Variants in PRKN observed in about 807,000 individuals in gnomAD.
PRKN encodes the protein E3 ubiquitin-protein ligase parkin.
A neutral mutation model predicts 59.5 loss-of-function variants in PRKN; 56 were observed. The ratio of observed to expected loss-of-function variants is 0.94; its 90% confidence interval spans 0.76 to 1.18. The LOEUF (loss-of-function observed/expected upper bound fraction) is 1.18. Ranked by LOEUF, PRKN falls within the 50% of genes most tolerant of loss-of-function variation. The pLI is 0.00. For missense variants in PRKN, 657 were observed against 596.4 expected, an observed-to-expected ratio of 1.10 and a Z score of -1.06; for synonymous variants, 250 against 222.1, an observed-to-expected ratio of 1.13 and a Z score of -1.12.
intron 1 of PRKN, among the ~76,000 whole-genome samples, chr6:162,559,406 C>A (rs1462943946): frequency 1.3e-5 from 2 of 152,074 alleles, no homozygotes; most frequent in Non-Finnish European, 2.9e-5. Context: ...CCTTCCCCAG[C>A]CCCTAACATC....
At chr6:161,513,531 T>TTC (rs1364897156) in intron 9 of PRKN, among the ~76,000 whole-genome samples, 8 of 151,466 alleles carry the variant, frequency 5.3e-5, no homozygotes, top group African/African-American at 1.9e-4. Flanking sequence ...GCACATTTTT[T>TTC]TTTTTTTTTG....
intron 2 of PRKN, among the ~76,000 whole-genome samples, chr6:162,338,337 C>T (rs1783946238): frequency 6.6e-6 from 1 of 152,114 alleles, no homozygotes; most frequent in African/African-American, 2.4e-5. Flanking sequence ...GTACTGCTGC[C>T]ATCTCGGCTC....
At chr6:161,580,017 A>G (rs1397094215) in intron 7 of PRKN, among the ~76,000 whole-genome samples, 1 of 152,198 alleles carries the variant, frequency 6.6e-6, no homozygotes. Context: ...CTGCTTTTAT[A>G]TATTTAGAGT....
rs2128141495 is a variant in PRKN at position 161,593,942 on chromosome 6, G to C, written c.872-24526C>G. 6.6e-6 allele frequency among the ~76,000 whole-genome samples: 1 copy of C among 151,652 alleles called. No individual in the cohort carries two copies. Among genetic ancestry groups the C allele is most frequent in the African/African-American group, 2.4e-5 (1 of 41,336 alleles). On this transcript the variant is annotated intron_variant, in intron 7 of 11. Transcript: ENST00000366898. This position sits in a 1 kb window ranked among gnomAD's most constrained non-coding sequence, Gnocchi z 4.8. ...TGAGGTGGGCAGATCACGAGGTCAG[G>C]AGTTTGAGACCAGCCTGGCCAACAT...
chr6:162,012,666 ATC>A (rs1782779063), intron 5 of PRKN, among the ~76,000 whole-genome samples: 1 of 152,144 alleles, frequency 6.6e-6, no homozygotes, highest in Non-Finnish European at 1.5e-5. Flanking sequence ...AACCAATTAT[ATC>A]TGTAACACCC....
At chr6:161,670,526 A>C (rs1784869610) in intron 7 of PRKN, among the ~76,000 whole-genome samples, 1 of 152,040 alleles carries the variant, frequency 6.6e-6, no homozygotes, top group Admixed American at 6.6e-5. Context: ...TATAAAATAC[A>C]CCAGTCAAGC....
chr6:162,362,339 A>G (rs889789409), intron 2 of PRKN, among the ~76,000 whole-genome samples: 10 of 152,188 alleles, frequency 6.6e-5, no homozygotes, highest in African/African-American at 2.4e-4. Flanking sequence ...GAATTTAGCT[A>G]TTTGGAACAT....
Position 161,414,323 on chromosome 6 carries a change from C to T in PRKN, c.1084-27446G>A, listed in dbSNP as rs752010169. On this transcript the variant is annotated intron_variant, in intron 9 of 11. Coordinates refer to ENST00000366898, the MANE Select transcript of PRKN (RefSeq NM_004562.3). The surrounding 1 kb of genome is among the most constrained non-coding windows in gnomAD (Gnocchi z 5.3). ...AGGCAGCGGCCAGTCTCTGTGTTCT[C>T]GGGCGCTCTGTGTCAGGTCCTGGTA... 4.6e-5 allele frequency among the ~76,000 whole-genome samples: 7 copies of T among 152,276 alleles called. No individual in the cohort carries two copies. Among genetic ancestry groups the T allele is most frequent in the South Asian group, 4.1e-4 (2 of 4,824 alleles).
At chr6:161,705,069 G>C (rs998591739) in intron 7 of PRKN, among the ~76,000 whole-genome samples, 1 of 152,198 alleles carries the variant, frequency 6.6e-6, no homozygotes, top group Non-Finnish European at 1.5e-5. Flanking sequence ...TGATGACTAT[G>C]AGCTTTGGAG....
chr6:162,009,521 A>AT (rs1373409311), intron 5 of PRKN, among the ~76,000 whole-genome samples: 2 of 151,886 alleles, frequency 1.3e-5, no homozygotes, highest in Non-Finnish European at 2.9e-5. Context: ...AAAAGATGTC[A>AT]TTTTTCCACA....
chr6:161,802,992 C>T (rs1791153598), intron 6 of PRKN, among the ~76,000 whole-genome samples: 1 of 152,106 alleles, frequency 6.6e-6, no homozygotes, highest in Non-Finnish European at 1.5e-5. Flanking sequence ...TCTGATCTCC[C>T]CTTTTATACC....
At chr6:161,880,719 G>A (rs943960973) in intron 6 of PRKN, among the ~76,000 whole-genome samples, 3 of 152,086 alleles carry the variant, frequency 2.0e-5, no homozygotes, top group East Asian at 1.9e-4. Flanking sequence ...TGAGAAGAAC[G>A]CACTTCCTGG....
Position 161,552,393 on chromosome 6 carries a change from CACCTATGACTGTGAATGATCTCA to C in PRKN, c.934-3413_934-3391del, listed in dbSNP as rs1350922316. On this transcript the variant is annotated intron_variant, in intron 8 of 11. Coordinates refer to ENST00000366898, the MANE Select transcript of PRKN (RefSeq NM_004562.3). The surrounding 1 kb of genome is among the most constrained non-coding windows in gnomAD (Gnocchi z 4.9). ...CCTCTCCCTCAGCTCTGTTCACCTCCACCTATGACTGTGAATGATCTCACGGTGATCCTCCAAGCCTCTCTCCC... is the reference window on the plus strand; with the variant it reads ...CCTCTCCCTCAGCTCTGTTCACCTCCCGGTGATCCTCCAAGCCTCTCTCCC... Among the ~76,000 whole-genome samples, 50,277 of 132,032 alleles carry C rather than the reference CACCTATGACTGTGAATGATCTCA, an allele frequency of 0.38. 14,526 individuals carry two copies. The highest frequency in any genetic ancestry group is 0.54 in the East Asian group (2,459 of 4,574). The allele number at this position is 132,032 out of a possible 152,430, so 86.6% of individuals were successfully genotyped here.
At chr6:161,860,629 A>G (rs891865107) in intron 6 of PRKN, among the ~76,000 whole-genome samples, 1 of 152,114 alleles carries the variant, frequency 6.6e-6, no homozygotes, top group Non-Finnish European at 1.5e-5. Flanking sequence ...AGTTCCTTGT[A>G]GATTCTGGAT....
chr6:161,368,975 G>A (rs374048552), intron 10 of PRKN, among the ~76,000 whole-genome samples: 2 of 152,144 alleles, frequency 1.3e-5, no homozygotes, highest in Admixed American at 6.5e-5. Flanking sequence ...GGATCCACGG[G>A]GAGGGAGGGG....
chr6:162,443,482 G>C lies in PRKN; in HGVS notation c.8-9C>G, dbSNP rs968218102. ...GTTGAACCTGACAAACACTGACCAA[G>C]GAAATTGGAAGGGAGAAGAGAAAGT... On this transcript the variant is annotated splice_polypyrimidine_tract_variant and intron_variant, in intron 1 of 11. Transcript: ENST00000366898. 1 of 1,613,646 alleles carries C rather than the reference G, an allele frequency of 6.2e-7. No individual in the cohort carries two copies. Among genetic ancestry groups the C allele is most frequent in the African/African-American group, 1.3e-5 (1 of 74,906 alleles).
chr6:162,116,445 A>T (rs1158997945), intron 4 of PRKN, among the ~76,000 whole-genome samples: 1 of 152,190 alleles, frequency 6.6e-6, no homozygotes. Flanking sequence ...CATCATAAAG[A>T]TGTGTATAAG....
chr6:161,946,457 A>G (rs1779787364), intron 6 of PRKN, among the ~76,000 whole-genome samples: 1 of 146,000 alleles, frequency 6.8e-6, no homozygotes, highest in East Asian at 2.0e-4. Context: ...CTCTCAATAC[A>G]AAAGAGACAG....
At chr6:162,623,719 T>C (rs1782768569) in intron 1 of PRKN, among the ~76,000 whole-genome samples, 1 of 152,160 alleles carries the variant, frequency 6.6e-6, no homozygotes, top group Admixed American at 6.5e-5. Context: ...TCATATAAAA[T>C]GTACATCTAG....
Sources: allele counts gnomAD v4.1 joint callset (sites outside exome capture counted in the v4.1 genomes callset), GRCh38; gene constraint gnomAD v4.1.1; non-coding constraint Gnocchi (gnomAD v3.1); transcripts MANE v1.5; gene names NCBI Gene and HGNC (gene_info 2026-07-23, HGNC 2026-07-21).